PIK3C2A: variants seen among roughly 807,000 people sequenced by gnomAD.
PIK3C2A encodes phosphatidylinositol 4-phosphate 3-kinase C2 domain-containing subunit alpha.
In PIK3C2A, 97 loss-of-function variants were observed where a neutral mutation model predicts 204.5. The ratio of observed to expected loss-of-function variants is 0.47; its 90% confidence interval spans 0.40 to 0.56. The LOEUF is 0.56. PIK3C2A is among the 20% of genes least tolerant of loss of function. PIK3C2A has a pLI of 0.00. For missense variants in PIK3C2A, 1,735 were observed against 1,969.2 expected (o/e 0.88, Z 2.25); for synonymous variants, 653 against 664.4 (o/e 0.98, Z 0.26).
chr11:17,098,417 C>T (rs1379729322), intron 26 of PIK3C2A, among the ~76,000 whole-genome samples: 1 of 152,204 alleles, frequency 6.6e-6, no homozygotes, highest in Non-Finnish European at 1.5e-5. Flanking sequence ...TGCAATCTGG[C>T]AAGGGAGCCC....
At chr11:17,090,011 CAA>C in intron 32 of PIK3C2A, 91 bp from the exon 33 acceptor site, 4 of 910,368 alleles carry the variant, frequency 4.4e-6, no homozygotes, top group Non-Finnish European at 6.8e-6. Flanking sequence ...GAATATTAGC[CAA>C]AGAGTGACCA....
chr11:17,093,511 G>A (rs574741339), intron 28 of PIK3C2A, among the ~76,000 whole-genome samples: 21 of 152,226 alleles, frequency 1.4e-4, no homozygotes, highest in Non-Finnish European at 2.6e-4. Context: ...TGATCCGCCC[G>A]CCTTGGCCTC....
At chr11:17,199,223 C>G (rs1852277996) in intron 1 of PIK3C2A, among the ~76,000 whole-genome samples, 1 of 151,540 alleles carries the variant, frequency 6.6e-6, no homozygotes, top group African/African-American at 2.4e-5. Flanking sequence ...AAAAGGAAAA[C>G]AACAAGTGGT....
intron 22 of PIK3C2A, among the ~76,000 whole-genome samples, 163 bp downstream of exon 22, chr11:17,110,267 CAA>C (rs1347600250): frequency 6.6e-6 from 1 of 151,976 alleles, no homozygotes; most frequent in African/African-American, 2.4e-5. Context: ...AGTTATTTTT[CAA>C]AGAGACTTAA....
chr11:17,156,393 T>C (rs1413320046), intron 2 of PIK3C2A, among the ~76,000 whole-genome samples: 4 of 152,190 alleles, frequency 2.6e-5, no homozygotes, highest in Admixed American at 6.5e-5. Flanking sequence ...GACTTTTTTT[T>C]CTTTGTTTTT....
Position 17,092,209 on chromosome 11 carries a change from A to T in PIK3C2A, c.4519T>A (p.Leu1507Ile). ...ATCAAACTCTGTAAGTAACTGTTTA[A>T]CTCAATTTTCCTTTTGGCTGCTACA... The part of the protein sequence containing the change: ...KDVAAKRKIE[L>I]NSYLQSLMNA... The change falls in exon 29 of 33, where the codon TTA becomes ATA. Residue 1507 changes from leucine (L) to isoleucine (I), a missense_variant. Transcript: ENST00000691414. The T allele has an allele frequency of 6.2e-7, 1 of 1,608,830 alleles. No homozygotes were observed.
In PIK3C2A at chr11:17,097,001, G is replaced by C. The variant is rs181549863; in HGVS notation, c.4326+56C>G. 2,091 of 1,041,176 alleles carry C rather than the reference G, an allele frequency of 2.0e-3. 12 individuals are homozygous for C. The highest frequency in any genetic ancestry group is 2.5e-3 in the Non-Finnish European group (1,665 of 673,798). 64.5% of individuals were successfully genotyped at this position (1,041,176 alleles called of 1,614,324 possible). ...TTTAGCAGAATCAGCAAAGGAAGTA[G>C]AAAGGACAACAATAATACATGCATG... On this transcript the variant is annotated intron_variant, in intron 27 of 32. Transcript: ENST00000691414.
intron 13 of PIK3C2A, among the ~76,000 whole-genome samples, chr11:17,124,502 CTGAAGTGCAGTG>C (rs1849460534): frequency 6.7e-6 from 1 of 149,582 alleles, no homozygotes; most frequent in Admixed American, 6.7e-5. Flanking sequence ...GTCGCCCAGG[CTGAAGTGCAGTG>C]GCACAATACA....
intron 27 of PIK3C2A, among the ~76,000 whole-genome samples, chr11:17,096,836 T>C (rs564596780): frequency 5.3e-5 from 8 of 152,360 alleles, no homozygotes; most frequent in African/African-American, 1.9e-4. Flanking sequence ...ACAAGCACAC[T>C]TTACCACTCG....
intron 13 of PIK3C2A, among the ~76,000 whole-genome samples, chr11:17,126,836 T>C (rs1353771514): frequency 6.6e-6 from 1 of 152,230 alleles, no homozygotes; most frequent in Non-Finnish European, 1.5e-5. Flanking sequence ...GTCTCTTGAA[T>C]TATGAAAGAA....
At chr11:17,164,984 T>C (rs1199343020) in intron 2 of PIK3C2A, among the ~76,000 whole-genome samples, 1 of 152,086 alleles carries the variant, frequency 6.6e-6, no homozygotes, top group South Asian at 2.1e-4. Flanking sequence ...CTTACATGGG[T>C]GTCACACCCC....
intron 13 of PIK3C2A, among the ~76,000 whole-genome samples, chr11:17,124,929 G>T (rs1249287789): frequency 6.6e-6 from 1 of 152,162 alleles, no homozygotes; most frequent in African/African-American, 2.4e-5. Context: ...TAGAGAAGAA[G>T]TTAGACCTAG....
At position 17,119,755 on chromosome 11, in the gene PIK3C2A, A is replaced by C. The variant is rs1211037250; in HGVS notation, c.2846+31T>G. ...TACCTTACTGGAAAAACTGACAATA[A>C]AACAAGAGCAAATAAATGTATTTGA... On this transcript the variant is annotated intron_variant, in intron 16 of 32. Transcript: ENST00000691414. 7.8e-6 allele frequency: 11 copies of C among 1,402,300 alleles called. No individual in the cohort carries two copies. The Admixed American group carries it at 2.5e-4, about 32-fold the overall frequency. The allele number at this position is 1,402,300 out of a possible 1,614,324, so 86.9% of individuals were successfully genotyped here.
chr11:17,169,137 G>A lies in PIK3C2A; in HGVS notation c.605C>T (p.Pro202Leu), dbSNP rs763326486. 4 of 1,614,120 alleles carry A rather than the reference G, an allele frequency of 2.5e-6. No homozygotes were observed. Among genetic ancestry groups the A allele is most frequent in the Non-Finnish European group, 3.4e-6 (4 of 1,179,990 alleles). ...TCCTTGTGGATGAAAGGGTGTGGCA[G>A]GTGTCAAAGGATATGAGAAATATGG... Reference protein sequence around the residue: ...QSPYFSYPLTPATPFHPQGSL... With the variant: ...QSPYFSYPLTLATPFHPQGSL... The change falls in exon 2 of 33, where the codon CCT (proline) becomes CTT (leucine). Residue 202 changes from proline to leucine, a missense_variant. Coordinates refer to ENST00000691414, the MANE Select transcript of PIK3C2A (RefSeq NM_002645.4).
chr11:17,127,762 G>A (rs953718722), intron 13 of PIK3C2A, among the ~76,000 whole-genome samples: 17 of 152,056 alleles, frequency 1.1e-4, no homozygotes, highest in African/African-American at 4.1e-4. Context: ...TAGATTAGCA[G>A]AAATTTTCAT....
At chr11:17,133,958 C>T (rs1849786186) in intron 11 of PIK3C2A, among the ~76,000 whole-genome samples, 1 of 151,962 alleles carries the variant, frequency 6.6e-6, no homozygotes, top group African/African-American at 2.4e-5. Flanking sequence ...TGAACGAACA[C>T]CAGTCTTAAA....
chr11:17,189,920 A>C (rs1365827207), intron 1 of PIK3C2A, among the ~76,000 whole-genome samples: 1 of 151,900 alleles, frequency 6.6e-6, no homozygotes, highest in Non-Finnish European at 1.5e-5. Context: ...TAAAGGAAAT[A>C]GTCAAAATAA....
intron 25 of PIK3C2A, among the ~76,000 whole-genome samples, chr11:17,100,381 CT>C (rs914672020): frequency 1.2e-3 from 174 of 144,284 alleles, no homozygotes; most frequent in Middle Eastern, 3.5e-3. Context: ...GCCTGGCGAA[CT>C]TTTTTTTTTT....
chr11:17,141,844 A>G (rs1850074119), intron 8 of PIK3C2A, among the ~76,000 whole-genome samples: 2 of 152,244 alleles, frequency 1.3e-5, no homozygotes, highest in Admixed American at 1.3e-4. Flanking sequence ...CTCACATTCT[A>G]AATGTATTTT....
Sources: gnomAD v4.1 joint callset for allele counts (sites outside exome capture counted in the v4.1 genomes callset) on GRCh38, gnomAD v4.1.1 for gene constraint, MANE v1.5 for transcripts, NCBI Gene and HGNC (gene_info 2026-07-23, HGNC 2026-07-21) for gene names.